Variants in TYW3 observed in about 807,000 individuals in gnomAD.
The protein encoded by TYW3 is tRNA-yW synthesizing protein 3 homolog.
In TYW3, 26 loss-of-function variants were observed where a neutral mutation model predicts 23.1. The ratio of observed to expected loss-of-function variants is 1.13; its 90% CI spans 0.83 to 1.56. The LOEUF is 1.56. Among genes scored for constraint, TYW3 ranks in the 40% most tolerant of loss-of-function variants. The probability of loss-of-function intolerance (pLI) is 0.00; values close to 1 mark genes in which losing one functional copy is unlikely to be tolerated. For missense variants in TYW3, 316 were observed against 311.9 expected (o/e 1.01, Z -0.10); for synonymous variants, 102 against 105.7 (o/e 0.97, Z 0.21).
At chr1:74,747,152 T>G (rs1446570799) in intron 3 of TYW3, among the ~76,000 whole-genome samples, 1 of 152,002 alleles carries the variant, frequency 6.6e-6, no homozygotes, top group Non-Finnish European at 1.5e-5. Flanking sequence ...CCTCCAGAAG[T>G]TAAGGAGAGA....
chr1:74,754,239 A>G (rs1333375897), intron 5 of TYW3, among the ~76,000 whole-genome samples: 1 of 152,174 alleles, frequency 6.6e-6, no homozygotes. Flanking sequence ...CTAACTGTAC[A>G]CCTGGTGAAG....
At chr1:74,734,741 T>C (rs1648080704) in intron 1 of TYW3, among the ~76,000 whole-genome samples, 1 of 152,192 alleles carries the variant, frequency 6.6e-6, no homozygotes, top group Admixed American at 6.5e-5. Context: ...CCCCTTCCTG[T>C]TCTATGAACT....
At chr1:74,739,754 T>A (rs1648285259) in intron 3 of TYW3, among the ~76,000 whole-genome samples, 1 of 152,238 alleles carries the variant, frequency 6.6e-6, no homozygotes, top group Admixed American at 6.5e-5. Context: ...TCAGTTCTGC[T>A]TCAGCATAGA....
In TYW3 at chr1:74,733,276, A is replaced by G. The variant is rs1557739132; in HGVS notation, c.32A>G (p.Lys11Arg). The G allele has an allele frequency of 6.2e-7, 1 of 1,614,152 alleles. No individual in the cohort carries two copies. The highest frequency in any genetic ancestry group is 8.5e-7 in the Non-Finnish European group (1 of 1,180,012). ...CGCAGCGCGGAGTTCAGGAAATGGA[A>G]GGCGCAATGTTTGAGCAAAGCGGAC... MDRSAEFRKW[K>R]AQCLSKADLS... The change falls in exon 1 of 6, where the codon AAG becomes AGG. Residue 11 changes from lysine to arginine, a missense_variant. By Grantham distance (26) the Lys-to-Arg change is conservative. Transcript: ENST00000370867.
chr1:74,756,848 G>A (rs1030302005), intron 5 of TYW3, among the ~76,000 whole-genome samples: 9 of 152,186 alleles, frequency 5.9e-5, no homozygotes, highest in Non-Finnish European at 1.3e-4. Context: ...TGGTTTTGTG[G>A]GCTGGGCCCA....
rs112422158 is a variant in TYW3, at chr1:74,747,363, C to T, written c.355-1388C>T. On this transcript the variant is annotated intron_variant, in intron 3 of 5. Transcript: ENST00000370867. ...CTGTAATTAGAAAGACCGGGCCAGG[C>T]GCGGTGGCTCACGCCTGTAATCCCA... Among the ~76,000 whole-genome samples the T allele has an allele frequency of 8.0e-3, 1,214 of 152,116 alleles. 20 individuals are homozygous for T. The highest frequency in any genetic ancestry group is 0.027 in the African/African-American group (1,133 of 41,504).
chr1:74,748,634 T>A (rs1461232846), intron 3 of TYW3, 117 bp from the exon 4 acceptor site: 30 of 1,030,534 alleles, frequency 2.9e-5, no homozygotes, highest in East Asian at 1.8e-4. Context: ...AGACGAAAAA[T>A]TTTTTTAAAA....
At chr1:74,742,253 G>T (rs999789477) in intron 3 of TYW3, among the ~76,000 whole-genome samples, 1 of 152,176 alleles carries the variant, frequency 6.6e-6, no homozygotes, top group Non-Finnish European at 1.5e-5. Flanking sequence ...CCCCTCACAG[G>T]CTTTGACTAC....
chr1:74,733,681 CA>C (rs1049062361), intron 1 of TYW3: 1 of 561,582 alleles, frequency 1.8e-6, no homozygotes, highest in African/African-American at 2.1e-5. Context: ...GCATTTCTAA[CA>C]AGTGCCCAAA....
chr1:74,745,511 T>G (rs1648535859), intron 3 of TYW3, among the ~76,000 whole-genome samples: 1 of 152,176 alleles, frequency 6.6e-6, no homozygotes, highest in African/African-American at 2.4e-5. Context: ...TTTACAATCC[T>G]TTAGCTAGAC....
chr1:74,764,311 C>T lies in TYW3; in HGVS notation c.*198C>T. 1 of 468,062 alleles carries T rather than the reference C, an allele frequency of 2.1e-6. No homozygotes were observed. The highest frequency in any genetic ancestry group is 3.7e-6 in the Non-Finnish European group (1 of 267,014). The allele number at this position is 468,062 out of a possible 1,614,324, so 29.0% of individuals were successfully genotyped here. A position where few individuals can be genotyped will look rare whatever the true frequency, so the allele number is the denominator to read the frequency against. The stretch of plus-strand genomic sequence containing the variant: ...AGCTCTCAGCAGTACCCGGCTTATC[C>T]TACGACTTCACCTGAAATGCTATAG... On this transcript the variant is annotated 3_prime_UTR_variant, in exon 6 of 6. Transcript: ENST00000370867.
Position 74,752,336 on chromosome 1 carries a change from G to A in TYW3, c.471G>A (p.Lys157=). 8 of 1,613,258 alleles carry A rather than the reference G, an allele frequency of 5.0e-6. No homozygotes were observed. The highest frequency in any genetic ancestry group is 5.1e-6 in the Non-Finnish European group (6 of 1,179,594). ...THGLEVPLSH[K]GKLMVTEEYI... is the part of the protein sequence containing the mutation. ...GCTTAGAAGTTCCATTAAGCCATAA[G>A]GGAAAACTGATGGTGACAGAGGAAT... The change falls in exon 5 of 6, where the codon AAG becomes AAA. Residue 157 remains lysine (K), a synonymous_variant. Transcript: ENST00000370867.
At position 74,765,853 on chromosome 1, in the gene TYW3, C is replaced by T. The variant is rs1557753468; in HGVS notation, c.*1740C>T. The stretch of plus-strand genomic sequence containing the variant: ...GAATTAAGAAGAGAGGGGCTGCTTC[C>T]TAATCTGTTTATATAAGGTATAGTA... On this transcript the variant is annotated 3_prime_UTR_variant, in exon 6 of 6. Transcript: ENST00000370867. The T allele has an allele frequency of 6.6e-6, 1 of 152,008 alleles. No individual in the cohort carries two copies. Among genetic ancestry groups the T allele is most frequent in the African/African-American group, 2.4e-5 (1 of 41,374 alleles). 9.4% of individuals were successfully genotyped at this position (152,008 alleles called of 1,614,324 possible). A position where few individuals can be genotyped will look rare whatever the true frequency, so the allele number is the denominator to read the frequency against.
At position 74,766,558 on chromosome 1, in the gene TYW3, C is replaced by G. The variant is rs867146296; in HGVS notation, c.*2445C>G. The G allele has an allele frequency of 6.6e-6, 1 of 152,204 alleles. No individual in the cohort carries two copies. The highest frequency in any genetic ancestry group is 2.1e-4 in the South Asian group (1 of 4,814). The allele number at this position is 152,204 out of a possible 1,614,324, so 9.4% of individuals were successfully genotyped here. A position where few individuals can be genotyped will look rare whatever the true frequency, so the allele number is the denominator to read the frequency against. Reference sequence around the variant, plus strand: ...TAAAGAAATATTTTGTACAGCTGTACAATAAGCTAAGCATTATTACCAAAG... The same window carrying G: ...TAAAGAAATATTTTGTACAGCTGTAGAATAAGCTAAGCATTATTACCAAAG... On this transcript the variant is annotated 3_prime_UTR_variant, in exon 6 of 6. Transcript: ENST00000370867.
At chr1:74,749,711 A>C (rs1648708183) in intron 4 of TYW3, among the ~76,000 whole-genome samples, 1 of 152,170 alleles carries the variant, frequency 6.6e-6, no homozygotes. Flanking sequence ...TCATGCTTGT[A>C]ATCCCAGCAC....
intron 3 of TYW3, among the ~76,000 whole-genome samples, chr1:74,745,373 A>G (rs1305926193): frequency 6.6e-6 from 1 of 151,956 alleles, no homozygotes; most frequent in Non-Finnish European, 1.5e-5. Flanking sequence ...TTTTACAGAG[A>G]GCTGATTGGT....
At chr1:74,747,825 AT>A (rs1648633135) in intron 3 of TYW3, among the ~76,000 whole-genome samples, 2 of 151,254 alleles carry the variant, frequency 1.3e-5, no homozygotes, top group African/African-American at 4.9e-5. Context: ...ATATGTATAT[AT>A]ATGGGTGCGT....
chr1:74,749,313 G>A (rs1648696040), intron 4 of TYW3, among the ~76,000 whole-genome samples: 1 of 152,110 alleles, frequency 6.6e-6, no homozygotes, highest in South Asian at 2.1e-4. Flanking sequence ...ATTGTCTGAG[G>A]TTGCTTTTGT....
At chr1:74,753,518 C>A (rs1444707146) in intron 5 of TYW3, among the ~76,000 whole-genome samples, 1 of 152,188 alleles carries the variant, frequency 6.6e-6, no homozygotes, top group Non-Finnish European at 1.5e-5. Context: ...GCCACCAAGG[C>A]AGAACTGGGT....
Sources: allele counts gnomAD v4.1 joint callset (sites outside exome capture counted in the v4.1 genomes callset), GRCh38; gene constraint gnomAD v4.1.1; transcripts MANE v1.5; gene names NCBI Gene and HGNC (gene_info 2026-07-23, HGNC 2026-07-21).